OTUD6A: variants seen among roughly 807,000 people sequenced by gnomAD.
The protein encoded by OTUD6A is OTU domain-containing protein 6A.
For synonymous variants in OTUD6A, 138 were observed against 120.2 expected, an observed-to-expected ratio of 1.15 and a Z score of -0.97; for missense variants, 209 against 268.2, an observed-to-expected ratio of 0.78 and a Z score of 1.54.
Position 70,062,879 on chromosome X carries a change from G to A in OTUD6A, c.355G>A (p.Glu119Lys), listed in dbSNP as rs758284299. Reference sequence around the variant, plus strand: ...GAGCATCTTCCAGGCTGAGATGTCGGAGCACCTGGCCGGCTTCAAGCGCGA... The same window carrying A: ...GAGCATCTTCCAGGCTGAGATGTCGAAGCACCTGGCCGGCTTCAAGCGCGA... ...QESIFQAEMS[E>K]HLAGFKREEE... Residue 119 changes from glutamate (E) to lysine (K), a missense_variant, in exon 1 of 1, where the codon GAG becomes AAG. Glu to Lys is a moderately conservative substitution (Grantham distance 56, BLOSUM62 1). Transcript: ENST00000338352. 8.4e-7 allele frequency: 1 copy of A among 1,188,712 alleles called. No homozygotes were observed. Among genetic ancestry groups the A allele is most frequent in the African/African-American group, 1.8e-5 (1 of 57,018 alleles).
chrX:70,063,570 C>T lies in OTUD6A; in HGVS notation c.*179C>T, dbSNP rs2020462316. ...CTTGCTGCTTTCACAGGGTGGGAAA[C>T]GAAATTCGAGGGAAATTCCCCGGAA... On this transcript the variant is annotated 3_prime_UTR_variant, in exon 1 of 1. Transcript: ENST00000338352. 2 of 560,841 alleles carry T rather than the reference C, an allele frequency of 3.6e-6. No homozygotes were observed. The highest frequency in any genetic ancestry group is 4.4e-5 in the Admixed American group (1 of 22,859). 46.2% of individuals were successfully genotyped at this position (560,841 alleles called of 1,213,427 possible). A position where few individuals can be genotyped will look rare whatever the true frequency, so the allele number is the denominator to read the frequency against.
chrX:70,062,740 T>C lies in OTUD6A; in HGVS notation c.216T>C (p.Ile72=). 8.3e-7 allele frequency: 1 copy of C among 1,209,830 alleles called. No homozygotes were observed. The highest frequency in any genetic ancestry group is 1.1e-6 in the Non-Finnish European group (1 of 894,685). Residue 72 remains isoleucine (I), a synonymous_variant, in exon 1 of 1, where the codon ATT becomes ATC. Transcript: ENST00000338352. ...ELEKFQDDSS[I]ESVVEDLAKM... ...AGAAGTTCCAAGACGACAGTAGCAT[T>C]GAATCTGTCGTCGAAGACCTGGCCA...
Position 70,063,359 on chromosome X carries a change from G to A in OTUD6A, c.835G>A (p.Ala279Thr), listed in dbSNP as rs943701695. ...CTCCGTGACACCGCTCGAGGCCGGC[G>A]CCGCCGGGGGCGTGCTCCCGCGTCT... ...YNSVTPLEAG[A>T]AGGVLPRLL The change falls in exon 1 of 1, where the codon GCC (alanine) becomes ACC (threonine). Residue 279 changes from alanine (A) to threonine (T), a missense_variant. Transcript: ENST00000338352. 3.3e-6 allele frequency: 4 copies of A among 1,195,671 alleles called. No homozygotes were observed. Among genetic ancestry groups the A allele is most frequent in the African/African-American group, 3.5e-5 (2 of 57,347 alleles).
At position 70,063,492 on chromosome X, in the gene OTUD6A, T is replaced by G; in HGVS notation, c.*101T>G. ...CTTTTGCTTTTCTCTGTTTTTCTTT[T>G]CCTTCCTTTTAATCAAAACTACCCG... On this transcript the variant is annotated 3_prime_UTR_variant, in exon 1 of 1. Coordinates refer to ENST00000338352, the MANE Select transcript of OTUD6A (RefSeq NM_207320.3). The G allele has an allele frequency of 1.0e-6, 1 of 991,411 alleles. No homozygotes were observed. The highest frequency in any genetic ancestry group is 1.3e-6 in the Non-Finnish European group (1 of 752,069). The allele number at this position is 991,411 out of a possible 1,213,427, so 81.7% of individuals were successfully genotyped here.
Position 70,063,017 on chromosome X carries a change from G to C in OTUD6A, c.493G>C (p.Val165Leu), listed in dbSNP as rs113158903. ...CATCCAAGACCAGCTGGTGTTCAGC[G>C]TGTCTGTGGAGATGCTGCGCTGCCG... is the stretch of plus-strand genomic sequence containing the variant. ...RAIQDQLVFS[V>L]SVEMLRCRTA... The change falls in exon 1 of 1, where the codon GTG becomes CTG. Residue 165 changes from valine (V) to leucine (L), a missense_variant. Physicochemically the swap from Val to Leu is conservative, Grantham distance 32. Transcript: ENST00000338352. 8 of 1,211,524 alleles carry C rather than the reference G, an allele frequency of 6.6e-6. No individual in the cohort carries two copies. Among genetic ancestry groups the C allele is most frequent in the South Asian group, 1.8e-5 (1 of 56,851 alleles).
chrX:70,063,176 G>A lies in OTUD6A; in HGVS notation c.652G>A (p.Gly218Ser). 1 of 1,211,561 alleles carries A rather than the reference G, an allele frequency of 8.3e-7. No homozygotes were observed. The highest frequency in any genetic ancestry group is 1.1e-6 in the Non-Finnish European group (1 of 895,507). The change falls in exon 1 of 1, where the codon GGC (glycine) becomes AGC (serine). Residue 218 changes from glycine (G) to serine (S), a missense_variant. Gly to Ser is a moderately conservative substitution (Grantham distance 56). Transcript: ENST00000338352. ...DNIVRTTAWG[G>S]QLELRALSHV... ...CATCGTGCGCACCACGGCATGGGGAGGCCAGCTGGAGCTGAGGGCCCTGTC... is the reference window on the plus strand; with the variant it reads ...CATCGTGCGCACCACGGCATGGGGAAGCCAGCTGGAGCTGAGGGCCCTGTC...
chrX:70,063,118 C>T lies in OTUD6A; in HGVS notation c.594C>T (p.Phe198=), dbSNP rs144364776. ...FFSNPETSDS[F]GYDDFMIYCD... The stretch of plus-strand genomic sequence containing the variant: ...GCAACCCCGAGACCAGCGACTCCTT[C>T]GGCTACGACGACTTCATGATCTACT... The change falls in exon 1 of 1, where the codon TTC becomes TTT. Residue 198 remains phenylalanine (F), a synonymous_variant. Coordinates refer to ENST00000338352, the MANE Select transcript of OTUD6A (RefSeq NM_207320.3). 4,958 of 1,209,759 alleles carry T rather than the reference C, an allele frequency of 4.1e-3. 18 individuals carry two copies. Among genetic ancestry groups the T allele is most frequent in the Middle Eastern group, 0.026 (115 of 4,353 alleles).
At position 70,062,846 on chromosome X, in the gene OTUD6A, C is replaced by G. The variant is rs1396666951; in HGVS notation, c.322C>G (p.Arg108Gly). The change falls in exon 1 of 1, where the codon CGC (arginine) becomes GGC (glycine). Residue 108 changes from arginine (R) to glycine (G), a missense_variant. Arg to Gly is a moderately radical substitution (Grantham distance 125). Transcript: ENST00000338352. Reference protein sequence around the residue: ...RERMESEERERQESIFQAEMS... With the variant: ...RERMESEEREGQESIFQAEMS... ...AAGAATGGAGTCCGAGGAGAGGGAG[C>G]GCCAGGAGAGCATCTTCCAGGCTGA... The G allele has an allele frequency of 3.4e-6, 4 of 1,193,734 alleles. No individual in the cohort carries two copies. Among genetic ancestry groups the G allele is most frequent in the Non-Finnish European group, 4.5e-6 (4 of 887,151 alleles).
At position 70,062,632 on chromosome X, in the gene OTUD6A, C is replaced by T. The variant is rs754168828; in HGVS notation, c.108C>T (p.Thr36=). The T allele has an allele frequency of 1.7e-6, 2 of 1,208,754 alleles. No individual in the cohort carries two copies. ...IRSLKNSVPK[T]DKTKRKQLLQ... ...GCTTAAAAAACTCGGTCCCCAAGACCGACAAGACGAAAAGAAAGCAGTTGC... is the reference window on the plus strand; with the variant it reads ...GCTTAAAAAACTCGGTCCCCAAGACTGACAAGACGAAAAGAAAGCAGTTGC... Residue 36 remains threonine (T), a synonymous_variant, in exon 1 of 1, where the codon ACC becomes ACT. Transcript: ENST00000338352.
rs999206241 is a variant in OTUD6A at position 70,063,508 on chromosome X, A to G, written c.*117A>G. On this transcript the variant is annotated 3_prime_UTR_variant, in exon 1 of 1. Coordinates refer to ENST00000338352, the MANE Select transcript of OTUD6A (RefSeq NM_207320.3). ...TTTTTCTTTTCCTTCCTTTTAATCA[A>G]AACTACCCGCCCCCGCCCCGCCCCC... 8.7e-6 allele frequency: 8 copies of G among 915,521 alleles called. No individual in the cohort carries two copies. Among genetic ancestry groups the G allele is most frequent in the Non-Finnish European group, 1.2e-5 (8 of 686,255 alleles). 75.4% of individuals were successfully genotyped at this position (915,521 alleles called of 1,213,427 possible). A position where few individuals can be genotyped will look rare whatever the true frequency, so the allele number is the denominator to read the frequency against.
rs766829102 is a variant in OTUD6A at position 70,062,603 on chromosome X, C to T, written c.79C>T (p.Arg27Trp). The T allele has an allele frequency of 5.8e-6, 7 of 1,209,251 alleles. No homozygotes were observed. In the South Asian group the frequency reaches 7.1e-5, roughly 12 times the overall value. Residue 27 changes from arginine to tryptophan, a missense_variant, in exon 1 of 1, where the codon CGG becomes TGG. Transcript: ENST00000338352. The stretch of plus-strand genomic sequence containing the variant: ...GAGGCAGGAGCTGCAGGCCCAGATC[C>T]GGAGCTTAAAAAACTCGGTCCCCAA... ...RERQELQAQI[R>W]SLKNSVPKTD...
Position 70,062,468 on chromosome X carries a change from G to C in OTUD6A, c.-57G>C. The C allele has an allele frequency of 8.7e-7, 1 of 1,148,365 alleles. No homozygotes were observed. Among genetic ancestry groups the C allele is most frequent in the Non-Finnish European group, 1.2e-6 (1 of 858,558 alleles). 94.6% of individuals were successfully genotyped at this position (1,148,365 alleles called of 1,213,427 possible). On this transcript the variant is annotated 5_prime_UTR_variant, in exon 1 of 1. Coordinates refer to ENST00000338352, the MANE Select transcript of OTUD6A (RefSeq NM_207320.3). Reference sequence around the variant, plus strand: ...CGTTAGGACAGGCTGAGGACTTCTGGTCTGTTCGGTACTTGAACTGCCAGC... The same window carrying C: ...CGTTAGGACAGGCTGAGGACTTCTGCTCTGTTCGGTACTTGAACTGCCAGC...
At position 70,062,805 on chromosome X, in the gene OTUD6A, C is replaced by A; in HGVS notation, c.281C>A (p.Ala94Asp). The change falls in exon 1 of 1, where the codon GCC becomes GAC. Residue 94 changes from alanine to aspartate, a missense_variant. Ala to Asp is a moderately radical substitution (Grantham distance 126). Coordinates refer to ENST00000338352, the MANE Select transcript of OTUD6A (RefSeq NM_207320.3). ...AACCGGCCTCCCCGCTCCTCCAAAG[C>A]CCACAGAAAGAGAGAAAGAATGGAG... is the stretch of plus-strand genomic sequence containing the variant. ...LENRPPRSSKAHRKRERMESE... is the reference protein window; with the variant it reads ...LENRPPRSSKDHRKRERMESE... 8.3e-7 allele frequency: 1 copy of A among 1,206,866 alleles called. No homozygotes were observed. Among genetic ancestry groups the A allele is most frequent in the African/African-American group, 1.7e-5 (1 of 57,600 alleles).
Position 70,063,167 on chromosome X carries a change from G to A in OTUD6A, c.643G>A (p.Ala215Thr). 1 of 1,211,378 alleles carries A rather than the reference G, an allele frequency of 8.3e-7. No individual in the cohort carries two copies. Among genetic ancestry groups the A allele is most frequent in the South Asian group, 1.8e-5 (1 of 56,962 alleles). ...CTGCGACAACATCGTGCGCACCACG[G>A]CATGGGGAGGCCAGCTGGAGCTGAG... is the stretch of plus-strand genomic sequence containing the variant. ...IYCDNIVRTT[A>T]WGGQLELRAL... The change falls in exon 1 of 1, where the codon GCA (alanine) becomes ACA (threonine). Residue 215 changes from alanine (A) to threonine (T), a missense_variant. By Grantham distance (58) the Ala-to-Thr change is moderately conservative. Transcript: ENST00000338352.
In OTUD6A at chrX:70,063,209, C is replaced by T; in HGVS notation, c.685C>T (p.Leu229=). ...QLELRALSHV[L]KTPIEVIQAD... ...GGAGCTGAGGGCCCTGTCGCACGTC[C>T]TGAAGACCCCCATCGAGGTGATCCA... The change falls in exon 1 of 1, where the codon CTG becomes TTG. Residue 229 remains leucine, a synonymous_variant. Transcript: ENST00000338352. The T allele has an allele frequency of 8.3e-7, 1 of 1,211,801 alleles. No homozygotes were observed. The highest frequency in any genetic ancestry group is 1.1e-6 in the Non-Finnish European group (1 of 895,599).
chrX:70,063,513 A>ACCCGCCCCCGC lies in OTUD6A; in HGVS notation c.*134_*144dup, dbSNP rs1407346173. On this transcript the variant is annotated 3_prime_UTR_variant, in exon 1 of 1. Transcript: ENST00000338352. ...CTTTTCCTTCCTTTTAATCAAAACT[A>ACCCGCCCCCGC]CCCGCCCCCGCCCCGCCCCCGCTTT... 1 of 881,073 alleles carries ACCCGCCCCCGC rather than the reference A, an allele frequency of 1.1e-6. No individual in the cohort carries two copies. The highest frequency in any genetic ancestry group is 1.5e-6 in the Non-Finnish European group (1 of 660,284). The allele number at this position is 881,073 out of a possible 1,213,427, so 72.6% of individuals were successfully genotyped here.
Position 70,062,902 on chromosome X carries a change from C to T in OTUD6A, c.378C>T (p.Arg126=), listed in dbSNP as rs763847463. Residue 126 remains arginine (R), a synonymous_variant, in exon 1 of 1, where the codon CGC becomes CGT. Coordinates refer to ENST00000338352, the MANE Select transcript of OTUD6A (RefSeq NM_207320.3). The stretch of plus-strand genomic sequence containing the variant: ...CGGAGCACCTGGCCGGCTTCAAGCG[C>T]GAGGAGGAGGAGAAGCTCGCCGCCA... ...EMSEHLAGFK[R]EEEEKLAAIL... 1.7e-6 allele frequency: 2 copies of T among 1,188,006 alleles called. No homozygotes were observed. The highest frequency in any genetic ancestry group is 3.7e-5 in the South Asian group (2 of 54,203).
Position 70,062,538 on chromosome X carries a change from A to C in OTUD6A, c.14A>C (p.Lys5Thr), listed in dbSNP as rs769666862. The part of the protein sequence containing the change: MDDP[K>T]SEQQRILRRH... ...CCATTCAACATCATGGATGATCCGAAGAGTGAACAGCAGCGCATACTGCGC... is the reference window on the plus strand; with the variant it reads ...CCATTCAACATCATGGATGATCCGACGAGTGAACAGCAGCGCATACTGCGC... The change falls in exon 1 of 1, where the codon AAG (lysine) becomes ACG (threonine). Residue 5 changes from lysine to threonine, a missense_variant. Coordinates refer to ENST00000338352, the MANE Select transcript of OTUD6A (RefSeq NM_207320.3). 5.8e-6 allele frequency: 7 copies of C among 1,206,473 alleles called. No individual in the cohort carries two copies. In the South Asian group the frequency reaches 1.3e-4, roughly 22 times the overall value.
In OTUD6A at chrX:70,062,695, G is replaced by A. The variant is rs200269521; in HGVS notation, c.171G>A (p.Gln57=). ...CCCGCATGGAGGCCGAGATGGCTCA[G>A]AAGCACCGGCAGGAGCTGGAGAAGT... ...DVARMEAEMA[Q]KHRQELEKFQ... Residue 57 remains glutamine (Q), a synonymous_variant, in exon 1 of 1, where the codon CAG becomes CAA. Transcript: ENST00000338352. 9.9e-6 allele frequency: 12 copies of A among 1,210,050 alleles called. No homozygotes were observed. In the African/African-American group the frequency reaches 2.1e-4, roughly 21 times the overall value.
Sources: gnomAD v4.1 joint callset for allele counts on GRCh38, gnomAD v4.1.1 for gene constraint, MANE v1.5 for transcripts, NCBI Gene and HGNC (gene_info 2026-07-23, HGNC 2026-07-21) for gene names.